The following ARHGDIB variants were observed in gnomAD, a reference collection of about 807,000 sequenced individuals.
The protein encoded by ARHGDIB is Rho GDP dissociation inhibitor beta.
In ARHGDIB, 20 loss-of-function variants were observed where a neutral mutation model predicts 22.6. The ratio of observed to expected loss-of-function variants is 0.88; its 90% CI spans 0.62 to 1.28. The LOEUF is 1.28. ARHGDIB is among the 50% of genes most tolerant of loss of function. The pLI is 0.00. For synonymous variants in ARHGDIB, 114 were observed against 96.1 expected (o/e 1.19, Z -1.09); for missense variants, 254 against 245.4 (o/e 1.04, Z -0.23).
rs767575032 is a variant in ARHGDIB, at chr12:14,950,524, A to T, written c.181+8T>A. On this transcript the variant is annotated splice_region_variant and intron_variant, in intron 2 of 5. Transcript: ENST00000228945. The stretch of plus-strand genomic sequence containing the variant: ...CTTCCACCCACCCTGTTCTCTGTAC[A>T]CACATACCTGTCACCACAGGACCAT... 2.5e-6 allele frequency: 4 copies of T among 1,609,030 alleles called. No homozygotes were observed. The Admixed American group carries it at 6.8e-5, about 27-fold the overall frequency.
chr12:14,956,234 AC>A (rs907717981), intron 1 of ARHGDIB: 3 of 152,240 alleles, frequency 2.0e-5, no homozygotes, highest in Admixed American at 6.5e-5. Context: ...GACAGCTTTA[AC>A]AAAGCAGGGA....
At chr12:14,954,367 C>G (rs1327700330) in intron 1 of ARHGDIB, among the ~76,000 whole-genome samples, 1 of 152,196 alleles carries the variant, frequency 6.6e-6, no homozygotes, top group Non-Finnish European at 1.5e-5. Context: ...TATATTGAAG[C>G]AGAAGATATC....
chr12:14,956,719 A>G (rs867036908), intron 1 of ARHGDIB, among the ~76,000 whole-genome samples: 6 of 152,174 alleles, frequency 3.9e-5, no homozygotes, highest in Non-Finnish European at 2.9e-5. Flanking sequence ...TTTCTGCTTC[A>G]CAGATGCGCA....
At chr12:14,957,316 TC>T (rs1007416449) in intron 1 of ARHGDIB, among the ~76,000 whole-genome samples, 1 of 152,220 alleles carries the variant, frequency 6.6e-6, no homozygotes, top group Non-Finnish European at 1.5e-5. Flanking sequence ...GAATATTTGT[TC>T]CCTTCCTCTT....
chr12:14,947,083 A>T (rs1864035030), intron 4 of ARHGDIB, among the ~76,000 whole-genome samples: 1 of 152,200 alleles, frequency 6.6e-6, no homozygotes. Context: ...GAGAGAGCAG[A>T]TGGAGTCTTC....
At chr12:14,947,990 G>T in intron 3 of ARHGDIB, 41 bp from the exon 4 acceptor site, 1 of 1,525,630 alleles carries the variant, frequency 6.6e-7, no homozygotes, top group Non-Finnish European at 9.1e-7. Flanking sequence ...CTCAAAAGCA[G>T]ATACACAAGT....
Position 14,942,468 on chromosome 12 carries a change from C to A in ARHGDIB, c.*54G>T, listed in dbSNP as rs958619131. On this transcript the variant is annotated 3_prime_UTR_variant, in exon 6 of 6. Transcript: ENST00000228945. ...CAGGGAGGAGGGACAGGGTGCTGAA[C>A]ACGCCTGAGAGAATTCTTCCAGGTG... 4 of 1,593,504 alleles carry A rather than the reference C, an allele frequency of 2.5e-6. No individual in the cohort carries two copies. The Admixed American group carries it at 6.7e-5, about 27-fold the overall frequency.
intron 1 of ARHGDIB, among the ~76,000 whole-genome samples, chr12:14,957,062 C>T (rs1220857821): frequency 6.6e-6 from 1 of 152,126 alleles, no homozygotes; most frequent in African/African-American, 2.4e-5. Context: ...TTAGATTAAA[C>T]AAATTACCTG....
intron 1 of ARHGDIB, among the ~76,000 whole-genome samples, chr12:14,951,867 A>G (rs932288858): frequency 6.6e-6 from 1 of 151,960 alleles, no homozygotes; most frequent in African/African-American, 2.4e-5. Flanking sequence ...TCCAGAGTTA[A>G]GAGAATTGCC....
At chr12:14,948,578 G>A (rs539454694) in intron 3 of ARHGDIB, among the ~76,000 whole-genome samples, 74 of 152,234 alleles carry the variant, frequency 4.9e-4, no homozygotes, top group Non-Finnish European at 8.7e-4. Context: ...ATAAAACCAG[G>A]ATCTGTCCCA....
At chr12:14,953,705 A>G (rs1864233289) in intron 1 of ARHGDIB, among the ~76,000 whole-genome samples, 1 of 152,092 alleles carries the variant, frequency 6.6e-6, no homozygotes, top group African/African-American at 2.4e-5. Flanking sequence ...GAAGTCCTTT[A>G]TAGACTTATT....
chr12:14,955,559 T>G (rs745818775), intron 1 of ARHGDIB, among the ~76,000 whole-genome samples: 13 of 152,334 alleles, frequency 8.5e-5, no homozygotes, highest in East Asian at 5.8e-4. Flanking sequence ...CCACTTTTTT[T>G]TGTGTGTGGC....
rs116925957 is a variant in ARHGDIB at position 14,957,828 on chromosome 12, A to T, written c.-13+3709T>A. Among the ~76,000 whole-genome samples, 374 of 151,638 alleles carry T rather than the reference A, an allele frequency of 2.5e-3. 17 individuals carry two copies. The East Asian group carries it at 0.064, about 26-fold the overall frequency. On this transcript the variant is annotated intron_variant, in intron 1 of 5. Coordinates refer to ENST00000228945, the MANE Select transcript of ARHGDIB (RefSeq NM_001175.7). ...TAGGTAGAAGAGATAGCGATGAGAG[A>T]GAGAGAAGGAAGAGGGGAAAGAGGG...
intron 1 of ARHGDIB, among the ~76,000 whole-genome samples, chr12:14,956,849 C>T (rs553210843): frequency 8.5e-5 from 13 of 152,196 alleles, no homozygotes; most frequent in African/African-American, 2.2e-4. Context: ...ATTAAAATGT[C>T]GAATTAAATT....
intron 1 of ARHGDIB, among the ~76,000 whole-genome samples, chr12:14,951,743 G>T (rs1196319089): frequency 8.9e-6 from 1 of 111,870 alleles, no homozygotes; most frequent in East Asian, 2.3e-4. Flanking sequence ...CCTGTTAAGG[G>T]TTAATGACTG....
At chr12:14,957,581 T>C (rs1408824454) in intron 1 of ARHGDIB, among the ~76,000 whole-genome samples, 1 of 152,224 alleles carries the variant, frequency 6.6e-6, no homozygotes, top group East Asian at 1.9e-4. Context: ...ATGTAAACAA[T>C]TTAATTTTAG....
Position 14,950,587 on chromosome 12 carries a change from A to G in ARHGDIB, c.126T>C (p.Asp42=), listed in dbSNP as rs1592290802. 6.2e-7 allele frequency: 1 copy of G among 1,613,706 alleles called. No individual in the cohort carries two copies. The highest frequency in any genetic ancestry group is 2.2e-5 in the East Asian group (1 of 44,864). Reference sequence around the variant, plus strand: ...TTTTCTTGTACTTAATTAGACTCTCATCATCTTTGTCCATTTCCTGCAGCT... The same window carrying G: ...TTTTCTTGTACTTAATTAGACTCTCGTCATCTTTGTCCATTTCCTGCAGCT... ...LKELQEMDKD[D]ESLIKYKKTL... The change falls in exon 2 of 6, where the codon GAT becomes GAC. Residue 42 remains aspartate, a synonymous_variant. Coordinates refer to ENST00000228945, the MANE Select transcript of ARHGDIB (RefSeq NM_001175.7).
intron 1 of ARHGDIB, among the ~76,000 whole-genome samples, chr12:14,952,535 C>T (rs902091780): frequency 6.6e-6 from 1 of 152,160 alleles, no homozygotes; most frequent in Non-Finnish European, 1.5e-5. Context: ...GTGACTAATG[C>T]AATTCGTATT....
chr12:14,958,731 G>A (rs1477323523), intron 1 of ARHGDIB, among the ~76,000 whole-genome samples: 8 of 152,058 alleles, frequency 5.3e-5, no homozygotes, highest in Non-Finnish European at 1.2e-4. Context: ...TTTTATGACC[G>A]TTTGTGCTAA....
Sources: allele counts gnomAD v4.1 joint callset (sites outside exome capture counted in the v4.1 genomes callset), GRCh38; gene constraint gnomAD v4.1.1; transcripts MANE v1.5; gene names NCBI Gene and HGNC (gene_info 2026-07-23, HGNC 2026-07-21).